S100Z: variants seen among roughly 807,000 people sequenced by gnomAD.
The protein encoded by S100Z is protein S100-Z.
In S100Z, 11 loss-of-function variants were observed where a neutral mutation model predicts 8.5. The observed-to-expected ratio is 1.30, with a 90% CI of 0.82 to 2.15. The LOEUF (loss-of-function observed/expected upper bound fraction) is 2.15. Among genes scored for constraint, S100Z ranks in the 30% most tolerant of loss-of-function variants. The probability of loss-of-function intolerance (pLI) is 0.00; values close to 1 mark genes in which losing one functional copy is unlikely to be tolerated. For synonymous variants in S100Z, 34 were observed against 43.8 expected, an observed-to-expected ratio of 0.78 and a Z score of 0.89; for missense variants, 126 against 117.9, an observed-to-expected ratio of 1.07 and a Z score of -0.32.
intron 1 of S100Z, among the ~76,000 whole-genome samples, chr5:76,863,054 C>T (rs956437854): frequency 6.6e-6 from 1 of 152,218 alleles, no homozygotes; most frequent in African/African-American, 2.4e-5. Flanking sequence ...TATCTGGTAA[C>T]AATAGGCAAC....
chr5:76,892,526 G>A (rs1743898784), intron 4 of S100Z, among the ~76,000 whole-genome samples: 1 of 151,724 alleles, frequency 6.6e-6, no homozygotes, highest in Non-Finnish European at 1.5e-5. Flanking sequence ...ATTTTGCCAA[G>A]ATTGGGGGCA....
the S100Z span, among the ~76,000 whole-genome samples, chr5:76,936,547 T>A: frequency 4.6e-5 from 7 of 151,576 alleles, no homozygotes; most frequent in East Asian, 1.3e-3. Flanking sequence ...AAAAAATATT[T>A]GTGAAGTGAG....
chr5:76,892,624 G>C (rs1346911188), intron 4 of S100Z, among the ~76,000 whole-genome samples: 1 of 151,984 alleles, frequency 6.6e-6, no homozygotes, highest in Non-Finnish European at 1.5e-5. Flanking sequence ...TTTTAAAGAG[G>C]AAAGAGTGGG....
the S100Z span, among the ~76,000 whole-genome samples, chr5:76,936,270 A>G: frequency 6.6e-6 from 1 of 152,248 alleles, no homozygotes; most frequent in East Asian, 1.9e-4. Context: ...GTGATATGTG[A>G]CATGAAGAAA....
chr5:76,877,640 GC>G, intron 3 of S100Z, 33 bp from the exon 4 acceptor site: 1 of 1,423,960 alleles, frequency 7.0e-7, no homozygotes, highest in Non-Finnish European at 9.9e-7. Flanking sequence ...GAACCTCAGA[GC>G]CAGGGAGTTA....
At chr5:76,950,843 T>C in the S100Z span, among the ~76,000 whole-genome samples, 2 of 152,348 alleles carry the variant, frequency 1.3e-5, no homozygotes, top group African/African-American at 4.8e-5. Context: ...TCTTCACACA[T>C]AGGCCTACTT....
the S100Z span, among the ~76,000 whole-genome samples, chr5:76,929,588 T>C: frequency 6.6e-6 from 1 of 152,184 alleles, no homozygotes; most frequent in Non-Finnish European, 1.5e-5. Flanking sequence ...CTCAGTATTT[T>C]GGGTCTGTAC....
At chr5:76,934,427 A>G in the S100Z span, among the ~76,000 whole-genome samples, 15,797 of 152,282 alleles carry the variant, frequency 0.1, 863 homozygotes, top group Middle Eastern at 0.14. Context: ...CTCAAGGCCA[A>G]GTGATCTCAT....
chr5:76,859,021 T>C (rs6453256), intron 1 of S100Z, among the ~76,000 whole-genome samples: 79,039 of 151,906 alleles, frequency 0.52, 21,490 homozygotes, highest in South Asian at 0.69. Context: ...GGCTGAGGCA[T>C]GAGAATCTCT....
chr5:76,928,891 C>T, the S100Z span, among the ~76,000 whole-genome samples: 1 of 152,256 alleles, frequency 6.6e-6, no homozygotes, highest in Non-Finnish European at 1.5e-5. Context: ...AGAGGTGTGC[C>T]ACCATGCCCA....
At chr5:76,864,446 G>T (rs915948901) in intron 1 of S100Z, among the ~76,000 whole-genome samples, 6 of 129,498 alleles carry the variant, frequency 4.6e-5, no homozygotes, top group Admixed American at 9.2e-5. Context: ...CGGTCACCCA[G>T]GCTGGAGTGC....
At chr5:76,852,370 T>C (rs917231151) in intron 1 of S100Z, among the ~76,000 whole-genome samples, 9 of 152,192 alleles carry the variant, frequency 5.9e-5, no homozygotes, top group African/African-American at 2.2e-4. Flanking sequence ...ATGCTCCCTG[T>C]TCACAACTGC....
intron 1 of S100Z, among the ~76,000 whole-genome samples, chr5:76,850,776 G>C (rs1049243686): frequency 3.3e-5 from 5 of 152,196 alleles, no homozygotes; most frequent in Non-Finnish European, 7.3e-5. Flanking sequence ...AAGTTGGTGA[G>C]AGGACACAAA....
the S100Z span, among the ~76,000 whole-genome samples, chr5:76,930,806 G>A: frequency 6.6e-6 from 1 of 152,158 alleles, no homozygotes; most frequent in Non-Finnish European, 1.5e-5. Context: ...GGTATCCAAG[G>A]AGAAGAAGAG....
At chr5:76,916,075 C>T (rs1192015564) in intron 4 of S100Z, among the ~76,000 whole-genome samples, 3 of 150,136 alleles carry the variant, frequency 2.0e-5, no homozygotes, top group Admixed American at 1.3e-4. Flanking sequence ...GCAGGAGAAT[C>T]GCTTGAACCC....
At chr5:76,854,842 G>A (rs957488927) in intron 1 of S100Z, among the ~76,000 whole-genome samples, 2 of 152,210 alleles carry the variant, frequency 1.3e-5, no homozygotes, top group African/African-American at 4.8e-5. Context: ...CCAATCACAG[G>A]CCCAAAGGCC....
chr5:76,919,700 G>A (rs1744977652), intron 4 of S100Z, among the ~76,000 whole-genome samples: 1 of 150,718 alleles, frequency 6.6e-6, no homozygotes, highest in Admixed American at 6.6e-5. Context: ...TCAAATTCCT[G>A]GGTTCAAGCA....
intron 4 of S100Z, among the ~76,000 whole-genome samples, chr5:76,915,846 G>T (rs1744836739): frequency 6.6e-6 from 1 of 151,994 alleles, no homozygotes; most frequent in South Asian, 2.1e-4. Flanking sequence ...AATTACACAA[G>T]CATTAATTTA....
chr5:76,882,534 A>T (rs1335856893), intron 4 of S100Z, among the ~76,000 whole-genome samples: 1 of 152,150 alleles, frequency 6.6e-6, no homozygotes, highest in African/African-American at 2.4e-5. Flanking sequence ...TTTTGTTAGG[A>T]TGGCAAAACC....
Sources: gnomAD v4.1 joint callset for allele counts (sites outside exome capture counted in the v4.1 genomes callset) on GRCh38, gnomAD v4.1.1 for gene constraint, MANE v1.5 for transcripts, NCBI Gene and HGNC (gene_info 2026-07-23, HGNC 2026-07-21) for gene names.